The following TBC1D5 variants were observed in gnomAD, a reference collection of about 807,000 sequenced individuals.
TBC1D5 encodes TBC1 domain family, member 5.
TBC1D5 carries 75 observed loss-of-function variants against 100.3 expected under a neutral mutation model. The ratio of observed to expected loss-of-function variants is 0.75; its 90% CI spans 0.62 to 0.91. TBC1D5 has a LOEUF of 0.91. Among genes scored for constraint, TBC1D5 ranks in the 40% least tolerant of loss-of-function variants. The probability of loss-of-function intolerance (pLI) is 0.00; values close to 1 mark genes in which losing one functional copy is unlikely to be tolerated. For synonymous variants in TBC1D5, 323 were observed against 325.6 expected, an observed-to-expected ratio of 0.99 and a Z score of 0.09; for missense variants, 910 against 942.4, an observed-to-expected ratio of 0.97 and a Z score of 0.45.
chr3:17,476,391 A>T (rs2095438378), intron 3 of TBC1D5, among the ~76,000 whole-genome samples: 1 of 152,004 alleles, frequency 6.6e-6, no homozygotes, highest in Non-Finnish European at 1.5e-5. Context: ...CCACTTAATG[A>T]AGATGCCATT....
At chr3:17,489,632 G>A (rs762546416) in intron 3 of TBC1D5, among the ~76,000 whole-genome samples, 23 of 152,156 alleles carry the variant, frequency 1.5e-4, no homozygotes, top group Middle Eastern at 3.4e-3. Flanking sequence ...CACCACAACC[G>A]CCATGTCCAG....
At chr3:17,591,267 C>CAAAAAAAAAA (rs370530999) in intron 2 of TBC1D5, among the ~76,000 whole-genome samples, 2 of 78,306 alleles carry the variant, frequency 2.6e-5, no homozygotes, top group Non-Finnish European at 4.7e-5. Flanking sequence ...AAAAAAAAAA[C>CAAAAAAAAAA]AAAAACCCCA....
At chr3:17,351,730 A>T (rs539296901) in intron 13 of TBC1D5, among the ~76,000 whole-genome samples, 58 of 151,914 alleles carry the variant, frequency 3.8e-4, no homozygotes, top group South Asian at 1.7e-3. Context: ...AGTATAATTT[A>T]AAAAAAAGAA....
intron 13 of TBC1D5, among the ~76,000 whole-genome samples, chr3:17,331,594 T>C (rs1006164352): frequency 4.6e-5 from 7 of 152,220 alleles, no homozygotes; most frequent in African/African-American, 1.4e-4. Flanking sequence ...CAGGTGCTGT[T>C]CAGGGTGCTG....
intron 16 of TBC1D5, among the ~76,000 whole-genome samples, chr3:17,243,982 A>G (rs751449160): frequency 5.3e-5 from 8 of 152,144 alleles, no homozygotes; most frequent in Non-Finnish European, 8.8e-5. Context: ...TGACTGCAAA[A>G]CCCGAGGAGT....
chr3:17,705,955 G>C lies in TBC1D5; in HGVS notation c.-101+33388C>G, dbSNP rs111561681. 208 of 1,320,862 alleles carry C rather than the reference G, an allele frequency of 1.6e-4. 2 individuals carry two copies. The East Asian group carries it at 5.1e-3, about 32-fold the overall frequency. The allele number at this position is 1,320,862 out of a possible 1,614,324, so 81.8% of individuals were successfully genotyped here. A position where few individuals can be genotyped will look rare whatever the true frequency, so the allele number is the denominator to read the frequency against. On this transcript the variant is annotated intron_variant, in intron 1 of 21. Transcript: ENST00000253692. ...TCCGCTCCTCCAGCCGCTGCCTCCC[G>C]GGCGGCGCTCCTCAGCATTTCTTTA...
At chr3:17,633,750 T>G (rs1198255573) in intron 1 of TBC1D5, among the ~76,000 whole-genome samples, 1 of 152,142 alleles carries the variant, frequency 6.6e-6, no homozygotes, top group Non-Finnish European at 1.5e-5. Flanking sequence ...TCTCAATACA[T>G]TTAATTTAAA....
chr3:17,168,841 CACTTAAGACTGTTCCAGTTGCTA>C (rs1446937865), intron 19 of TBC1D5, among the ~76,000 whole-genome samples: 23 of 152,164 alleles, frequency 1.5e-4, no homozygotes, highest in Non-Finnish European at 2.9e-4. Context: ...CTTAGTCACT[CACTTAAGACTGTTCCAGTTGCTA>C]CGGGACTCCT....
In TBC1D5 at chr3:17,315,147, A is replaced by G. The variant is rs2084526193; in HGVS notation, c.996-7013T>C. Among the ~76,000 whole-genome samples the G allele has an allele frequency of 2.0e-5, 3 of 152,354 alleles. No homozygotes were observed. The South Asian group carries it at 6.2e-4, about 32-fold the overall frequency. Reference sequence around the variant, plus strand: ...CTTCTCAGCCTACTCTTGAGTGTGTATCTTCAAACTGGCTCACTCTACATG... The same window carrying G: ...CTTCTCAGCCTACTCTTGAGTGTGTGTCTTCAAACTGGCTCACTCTACATG... On this transcript the variant is annotated intron_variant, in intron 13 of 21. Transcript: ENST00000253692.
chr3:17,446,303 T>C (rs1422930546), intron 3 of TBC1D5, among the ~76,000 whole-genome samples: 1 of 152,190 alleles, frequency 6.6e-6, no homozygotes, highest in Non-Finnish European at 1.5e-5. Context: ...AGAATTATAG[T>C]AGCTTTAAGG....
intron 1 of TBC1D5, among the ~76,000 whole-genome samples, chr3:17,698,269 C>G (rs1156825317): frequency 2.0e-5 from 3 of 152,172 alleles, no homozygotes; most frequent in Non-Finnish European, 4.4e-5. Context: ...CTTTGACAAA[C>G]CTGACAAAAA....
intron 3 of TBC1D5, among the ~76,000 whole-genome samples, chr3:17,447,172 G>C (rs930840417): frequency 6.6e-6 from 1 of 152,168 alleles, no homozygotes; most frequent in African/African-American, 2.4e-5. Context: ...CAAGTAGAAT[G>C]AGTGACAGTC....
intron 18 of TBC1D5, among the ~76,000 whole-genome samples, chr3:17,205,788 T>C (rs1313045417): frequency 6.6e-6 from 1 of 152,142 alleles, no homozygotes; most frequent in Non-Finnish European, 1.5e-5. Context: ...GTGTGTGTGA[T>C]ATAATTGGCT....
intron 16 of TBC1D5, among the ~76,000 whole-genome samples, chr3:17,252,479 C>G (rs2077257709): frequency 6.6e-6 from 1 of 152,082 alleles, no homozygotes. Flanking sequence ...TAGTCAGGAC[C>G]CCTGCCTGAC....
intron 1 of TBC1D5, among the ~76,000 whole-genome samples, chr3:17,634,049 T>C (rs915908698): frequency 1.3e-5 from 2 of 152,140 alleles, no homozygotes; most frequent in Admixed American, 1.3e-4. Context: ...TGGCTTATAG[T>C]TATAGCCAAA....
chr3:17,733,134 A>T (rs2076697241), intron 1 of TBC1D5, among the ~76,000 whole-genome samples: 1 of 152,244 alleles, frequency 6.6e-6, no homozygotes, highest in Non-Finnish European at 1.5e-5. Flanking sequence ...AGAGAGAATC[A>T]TGAAGCAGAA....
intron 13 of TBC1D5, among the ~76,000 whole-genome samples, chr3:17,350,215 A>G (rs1356455827): frequency 6.6e-6 from 1 of 152,086 alleles, no homozygotes. Context: ...CTATCCCACA[A>G]ACTACTCCCC....
At chr3:17,356,206 T>G (rs1211471765) in intron 13 of TBC1D5, among the ~76,000 whole-genome samples, 3 of 152,328 alleles carry the variant, frequency 2.0e-5, no homozygotes, top group African/African-American at 7.2e-5. Context: ...CCATTCATAA[T>G]AAAAACACCC....
At chr3:17,186,863 G>GTTC (rs2069184547) in intron 18 of TBC1D5, among the ~76,000 whole-genome samples, 1 of 151,748 alleles carries the variant, frequency 6.6e-6, no homozygotes, top group African/African-American at 2.4e-5. Context: ...TATCCTGCAA[G>GTTC]TGTAGCAGCC....
Sources: gnomAD v4.1 joint callset for allele counts (sites outside exome capture counted in the v4.1 genomes callset) on GRCh38, gnomAD v4.1.1 for gene constraint, MANE v1.5 for transcripts, NCBI Gene and HGNC (gene_info 2026-07-23, HGNC 2026-07-21) for gene names.